WNK2: variants seen among roughly 807,000 people sequenced by gnomAD.
WNK2 encodes the protein serine/threonine-protein kinase WNK2.
In WNK2, 67 loss-of-function variants were observed where a neutral mutation model predicts 192.1. That is an observed-to-expected ratio of 0.35 (90% CI 0.29 to 0.43). The LOEUF (loss-of-function observed/expected upper bound fraction) is 0.43. Ranked by LOEUF, WNK2 falls within the 20% of genes least tolerant of loss-of-function variation. The pLI, the probability that WNK2 is intolerant of heterozygous loss-of-function variation, is 1.00. For synonymous variants in WNK2, 1,439 were observed against 1,393.9 expected (o/e 1.03, Z -0.72); for missense variants, 2,698 against 3,089.7 (o/e 0.87, Z 3.01).
chr9:93,280,472 G>T (rs1847561495), intron 19 of WNK2, among the ~76,000 whole-genome samples: 1 of 152,178 alleles, frequency 6.6e-6, no homozygotes, highest in African/African-American at 2.4e-5. Context: ...TAAATGTGCA[G>T]ATACCATGTG....
intron 29 of WNK2, 93 bp downstream of exon 29, chr9:93,317,724 TG>T (rs780670463): frequency 6.6e-7 from 1 of 1,509,930 alleles, no homozygotes; most frequent in Admixed American, 2.0e-5. Context: ...CTGGGGGCCC[TG>T]GGCAGGCCAG....
chr9:93,290,980 G>A (rs1037079874), intron 21 of WNK2, among the ~76,000 whole-genome samples: 1 of 152,238 alleles, frequency 6.6e-6, no homozygotes, highest in Non-Finnish European at 1.5e-5. Flanking sequence ...GCCTCCTAAC[G>A]GAAACCTCAG....
rs140893973 is a variant in WNK2, at chr9:93,289,064, C to A, written c.4310C>A (p.Ala1437Glu). Residue 1437 changes from alanine (A) to glutamate (E), a missense_variant, in exon 20 of 30, where the codon GCG becomes GAG. Physicochemically the swap from Ala to Glu is moderately radical, Grantham distance 107. This residue lies in a region of WNK2 where 1,098 missense variants were observed against 1,101.0 expected (regional missense o/e 1.00). Coordinates refer to ENST00000427277, the MANE Select transcript of WNK2 (RefSeq NM_006648.4). ...GAGCTCGAGACGTCTCAGCCACTAG[C>A]GGAGACTCACGAGGCCCCGCTTGCT... ...TSELETSQPL[A>E]ETHEAPLAVQ... 1.6e-4 allele frequency: 264 copies of A among 1,606,604 alleles called. 3 individuals are homozygous for A. In the South Asian group the frequency reaches 2.0e-3, roughly 12 times the overall value.
chr9:93,256,890 G>A, intron 10 of WNK2, 58 bp from the exon 11 acceptor site: 1 of 1,453,566 alleles, frequency 6.9e-7, no homozygotes, highest in Admixed American at 2.4e-5. Flanking sequence ...GTAACCAGTG[G>A]GGTGCGCTTG....
At chr9:93,223,590 G>C (rs1837310125) in intron 2 of WNK2, among the ~76,000 whole-genome samples, 1 of 152,252 alleles carries the variant, frequency 6.6e-6, no homozygotes, top group Non-Finnish European at 1.5e-5. Context: ...ACAGAGCATG[G>C]GGGATGGTGT....
At chr9:93,191,697 T>A (rs1212687247) in intron 2 of WNK2, among the ~76,000 whole-genome samples, 1 of 151,316 alleles carries the variant, frequency 6.6e-6, no homozygotes, top group African/African-American at 2.4e-5. Flanking sequence ...CATTTGAAGG[T>A]GGAGAGCACA....
At chr9:93,214,305 A>T (rs1835306009) in intron 2 of WNK2, among the ~76,000 whole-genome samples, 1 of 151,164 alleles carries the variant, frequency 6.6e-6, no homozygotes, top group African/African-American at 2.4e-5. Context: ...TTATATATTT[A>T]TTTATTTATT....
chr9:93,232,664 T>C (rs1008781418), intron 4 of WNK2, among the ~76,000 whole-genome samples: 4 of 152,148 alleles, frequency 2.6e-5, no homozygotes, highest in Admixed American at 2.6e-4. Flanking sequence ...GCTGGGCGGC[T>C]CTTTGCCCTC....
At chr9:93,290,160 C>T in intron 21 of WNK2, 113 bp downstream of exon 21, 1 of 912,466 alleles carries the variant, frequency 1.1e-6, no homozygotes, top group East Asian at 2.7e-5. Context: ...AAAAGCATTT[C>T]TTAAAGATCC....
At chr9:93,226,877 T>G (rs1244299595) in intron 2 of WNK2, among the ~76,000 whole-genome samples, 1 of 152,190 alleles carries the variant, frequency 6.6e-6, no homozygotes, top group African/African-American at 2.4e-5. Context: ...CCCCAAATGT[T>G]TCGGTGGTTT....
chr9:93,253,356 C>A (rs75282265), intron 9 of WNK2, among the ~76,000 whole-genome samples: 3,570 of 151,568 alleles, frequency 0.024, 140 homozygotes, highest in African/African-American at 0.083. Flanking sequence ...GAAAGACACC[C>A]TATTGGAAAA....
intron 19 of WNK2, among the ~76,000 whole-genome samples, chr9:93,283,329 A>G (rs1847994634): frequency 6.6e-6 from 1 of 152,166 alleles, no homozygotes; most frequent in Admixed American, 6.5e-5. Context: ...ATAGTAAACA[A>G]ATATACAATA....
chr9:93,258,998 T>C lies in WNK2; in HGVS notation c.2450T>C (p.Leu817Pro), dbSNP rs1843750332. The change falls in exon 12 of 30, where the codon CTC (leucine) becomes CCC (proline). Residue 817 changes from leucine to proline, a missense_variant. Around this residue, in one of 7 missense-constraint regions of WNK2, gnomAD observed 893 missense variants for 909.0 expected, o/e 0.98. Coordinates refer to ENST00000427277, the MANE Select transcript of WNK2 (RefSeq NM_006648.4). Reference protein sequence around the residue: ...LAGIDGLPPALPDLPTATVPP... With the variant: ...LAGIDGLPPAPPDLPTATVPP... ...GGAATCGACGGCCTCCCTCCGGCCC[T>C]CCCAGACCTGCCGACCGCGACTGTG... 1 of 1,611,960 alleles carries C rather than the reference T, an allele frequency of 6.2e-7. No homozygotes were observed. Among genetic ancestry groups the C allele is most frequent in the Admixed American group, 1.7e-5 (1 of 59,952 alleles).
At chr9:93,228,351 T>C (rs1009000213) in intron 2 of WNK2, among the ~76,000 whole-genome samples, 1 of 152,206 alleles carries the variant, frequency 6.6e-6, no homozygotes, top group Admixed American at 6.5e-5. Context: ...TTGATGTTCT[T>C]TGGGCCTTTC....
At chr9:93,261,729 G>C (rs1029387616) in intron 12 of WNK2, 85 bp from the exon 13 acceptor site, 2 of 1,485,750 alleles carry the variant, frequency 1.3e-6, no homozygotes, top group African/African-American at 2.8e-5. Context: ...ATCTCGGCCT[G>C]GGTATTCCCA....
chr9:93,297,839 G>T lies in WNK2; in HGVS notation c.5709-14G>T. On this transcript the variant is annotated splice_polypyrimidine_tract_variant and intron_variant, in intron 23 of 29. Coordinates refer to ENST00000427277, the MANE Select transcript of WNK2 (RefSeq NM_006648.4). ...AGGAAGCCCATCGGCGCTCCCTCCT[G>T]TCCCCTCCTGCAGGCACCTGAAGGA... The T allele has an allele frequency of 6.4e-7, 1 of 1,564,106 alleles. No individual in the cohort carries two copies.
In WNK2 at chr9:93,267,770, G is replaced by A. The variant is rs752561971; in HGVS notation, c.3721G>A (p.Ala1241Thr). The change falls in exon 17 of 30, where the codon GCC becomes ACC. Residue 1241 changes from alanine (A) to threonine (T), a missense_variant. Physicochemically the swap from Ala to Thr is moderately conservative, Grantham distance 58. Around this residue, in one of 7 missense-constraint regions of WNK2, gnomAD observed 1,098 missense variants for 1,101.0 expected, o/e 1.00. Coordinates refer to ENST00000427277, the MANE Select transcript of WNK2 (RefSeq NM_006648.4). ...YMVEHDFILQ[A>T]ERETFIEQMK... Reference sequence around the variant, plus strand: ...GGTGGAGCATGACTTTATCCTGCAGGCCGAGCGGGAAACGTTCATCGAGCA... The same window carrying A: ...GGTGGAGCATGACTTTATCCTGCAGACCGAGCGGGAAACGTTCATCGAGCA... The A allele has an allele frequency of 5.0e-6, 8 of 1,605,440 alleles. No homozygotes were observed. The Admixed American group carries it at 8.5e-5, about 17-fold the overall frequency.
rs575148211 is a variant in WNK2 at position 93,292,859 on chromosome 9, G to T, written c.5394G>T (p.Glu1798Asp). Residue 1798 changes from glutamate to aspartate, a missense_variant, in exon 23 of 30, where the codon GAG becomes GAT. Physicochemically the swap from Glu to Asp is conservative, Grantham distance 45. Coordinates refer to ENST00000427277, the MANE Select transcript of WNK2 (RefSeq NM_006648.4). Reference sequence around the variant, plus strand: ...GGGCGCAGACGGCCTCCTCCATCGAGGTCGGCGTGGGCGAGCCCGTGTCCA... The same window carrying T: ...GGGCGCAGACGGCCTCCTCCATCGATGTCGGCGTGGGCGAGCCCGTGTCCA... ...VRRAQTASSIEVGVGEPVSSD... is the reference protein window; with the variant it reads ...VRRAQTASSIDVGVGEPVSSD... 3 of 1,492,718 alleles carry T rather than the reference G, an allele frequency of 2.0e-6. No homozygotes were observed. The South Asian group carries it at 3.9e-5, about 20-fold the overall frequency. The allele number at this position is 1,492,718 out of a possible 1,614,324, so 92.5% of individuals were successfully genotyped here. A position where few individuals can be genotyped will look rare whatever the true frequency, so the allele number is the denominator to read the frequency against.
At chr9:93,298,976 C>G (rs777696227) in intron 24 of WNK2, 94 bp from the exon 25 acceptor site, 3 of 1,343,694 alleles carry the variant, frequency 2.2e-6, no homozygotes, top group Non-Finnish European at 3.0e-6. Context: ...TCCCCAAGGT[C>G]ACCCAGCAAT....
Sources: gnomAD v4.1 joint callset for allele counts (sites outside exome capture counted in the v4.1 genomes callset) on GRCh38, gnomAD v4.1.1 for gene constraint, gnomAD v4.1.1 regional missense constraint, MANE v1.5 for transcripts, NCBI Gene and HGNC (gene_info 2026-07-23, HGNC 2026-07-21) for gene names.